Variants in FXYD7 observed in about 807,000 individuals in gnomAD.
The protein encoded by FXYD7 is FXYD domain-containing ion transport regulator 7.
FXYD7 carries 7 observed loss-of-function variants against 15.3 expected under a neutral mutation model. That is an observed-to-expected ratio of 0.46 (90% CI 0.26 to 0.86). FXYD7 has a LOEUF of 0.86. Among genes scored for constraint, FXYD7 ranks in the 40% least tolerant of loss-of-function variants. The pLI, the probability that FXYD7 is intolerant of heterozygous loss-of-function variation, is 0.16. For missense variants in FXYD7, 78 were observed against 100.6 expected (o/e 0.78, Z 0.96); for synonymous variants, 39 against 39.3 (o/e 0.99, Z 0.03).
chr19:35,146,647 C>T (rs2065289842), intron 1 of FXYD7, among the ~76,000 whole-genome samples: 1 of 152,116 alleles, frequency 6.6e-6, no homozygotes, highest in East Asian at 1.9e-4. Context: ...TCAGGGCTAC[C>T]CACTGCTGGT....
At chr19:35,148,076 AAAGAAAG>A (rs1392937674) in intron 1 of FXYD7, among the ~76,000 whole-genome samples, 1 of 148,176 alleles carries the variant, frequency 6.7e-6, no homozygotes, top group Non-Finnish European at 1.5e-5. Flanking sequence ...AGAAAGAAAG[AAAGAAAG>A]AAAGAAAGAA....
At chr19:35,148,652 G>GTTTTTTTT in intron 1 of FXYD7, 42 bp from the exon 2 acceptor site, 1 of 1,356,804 alleles carries the variant, frequency 7.4e-7, no homozygotes, top group Admixed American at 2.4e-5. Flanking sequence ...ACACTGTTAA[G>GTTTTTTTT]TTTTTTTTTT....
chr19:35,150,645 G>A, intron 2 of FXYD7, among the ~76,000 whole-genome samples: 1 of 152,148 alleles, frequency 6.6e-6, no homozygotes, highest in East Asian at 1.9e-4. Context: ...CTTGGGATAG[G>A]ATCATGCTGG....
Position 35,143,985 on chromosome 19 carries a change from T to C in FXYD7, c.31+621T>C, listed in dbSNP as rs534366475. Among the ~76,000 whole-genome samples the C allele has an allele frequency of 1.3e-5, 2 of 150,270 alleles. No individual in the cohort carries two copies. The highest frequency in any genetic ancestry group is 4.9e-5 in the African/African-American group (2 of 40,762). On this transcript the variant is annotated intron_variant, in intron 1 of 5. Transcript: ENST00000270310. The surrounding 1 kb of genome is among the most constrained non-coding windows in gnomAD (Gnocchi z 4.3). ...AGATACAAAGACCCAGGAAGACAAA[T>C]AGATGGACTCAGAGAGATTCCCAGT...
intron 5 of FXYD7, 29 bp from the exon 6 acceptor site, chr19:35,153,865 A>C (rs754323959): frequency 5.0e-6 from 8 of 1,611,502 alleles, no homozygotes; most frequent in Non-Finnish European, 5.9e-6. Flanking sequence ...CCACCTTTCT[A>C]GTGGCTCACG....
In FXYD7 at chr19:35,150,312, T is replaced by A. The variant is rs866711976; in HGVS notation, c.62-942T>A. Among the ~76,000 whole-genome samples, 25 of 152,092 alleles carry A rather than the reference T, an allele frequency of 1.6e-4. No homozygotes were observed. The Middle Eastern group carries it at 0.01, about 62-fold the overall frequency. ...CTTGGGAGGCTGAGCAGGGACAATC[T>A]CTTGGAGCCCAAGAGGTAGAGGCTG... On this transcript the variant is annotated intron_variant, in intron 2 of 5. Transcript: ENST00000270310.
At chr19:35,150,189 T>C (rs2065304601) in intron 2 of FXYD7, among the ~76,000 whole-genome samples, 1 of 152,168 alleles carries the variant, frequency 6.6e-6, no homozygotes, top group Admixed American at 6.5e-5. Flanking sequence ...AGTGCTGAGA[T>C]TACAGGCTCA....
chr19:35,149,973 G>A (rs974750733), intron 2 of FXYD7, among the ~76,000 whole-genome samples: 3 of 152,070 alleles, frequency 2.0e-5, no homozygotes, highest in Non-Finnish European at 4.4e-5. Context: ...CTGGAGTGCA[G>A]TAGCACAATC....
In FXYD7 at chr19:35,151,437, C is replaced by T; in HGVS notation, c.137-3C>T. On this transcript the variant is annotated splice_polypyrimidine_tract_variant and splice_region_variant and intron_variant, in intron 3 of 5. Coordinates refer to ENST00000270310, the MANE Select transcript of FXYD7 (RefSeq NM_022006.2). ...TTCTTGTTCTGTCTCTCTCTCCCAA[C>T]AGGCAAGAAGGTGAAGTGCAGGAAG... 1 of 1,614,056 alleles carries T rather than the reference C, an allele frequency of 6.2e-7. No homozygotes were observed. Among genetic ancestry groups the T allele is most frequent in the Non-Finnish European group, 8.5e-7 (1 of 1,179,914 alleles).
At chr19:35,153,033 C>CTT (rs954084904) in intron 5 of FXYD7, among the ~76,000 whole-genome samples, 1,922 of 44,114 alleles carry the variant, frequency 0.044, 549 homozygotes, top group Non-Finnish European at 0.057. Context: ...TTTCACGTTC[C>CTT]TTTTTTTTTT....
Position 35,154,115 on chromosome 19 carries a change from G to T in FXYD7, c.*199G>T. ...TGACGATCCCCCAAAGAGCCCGTCTGCACCCCAGACCCAGGGCCTCAGGCC... is the reference window on the plus strand; with the variant it reads ...TGACGATCCCCCAAAGAGCCCGTCTTCACCCCAGACCCAGGGCCTCAGGCC... On this transcript the variant is annotated 3_prime_UTR_variant, in exon 6 of 6. Transcript: ENST00000270310. 1 of 566,660 alleles carries T rather than the reference G, an allele frequency of 1.8e-6. No homozygotes were observed. Among genetic ancestry groups the T allele is most frequent in the East Asian group, 3.2e-5 (1 of 31,316 alleles). The allele number at this position is 566,660 out of a possible 1,614,324, so 35.1% of individuals were successfully genotyped here.
At chr19:35,148,113 G>A (rs1568405944) in intron 1 of FXYD7, among the ~76,000 whole-genome samples, 1 of 149,698 alleles carries the variant, frequency 6.7e-6, no homozygotes, top group African/African-American at 2.5e-5. Flanking sequence ...GAAAGAAAGA[G>A]GGGAGGGAGG....
At chr19:35,145,958 C>G (rs1239123504) in intron 1 of FXYD7, among the ~76,000 whole-genome samples, 2 of 150,880 alleles carry the variant, frequency 1.3e-5, no homozygotes, top group Non-Finnish European at 3.0e-5. Flanking sequence ...TTGTATTTTT[C>G]ATAGAGACTG....
At position 35,154,006 on chromosome 19, in the gene FXYD7, G is replaced by A; in HGVS notation, c.*90G>A. The A allele has an allele frequency of 3.1e-6, 4 of 1,306,560 alleles. No individual in the cohort carries two copies. In the South Asian group the frequency reaches 3.6e-5, roughly 12 times the overall value. 80.9% of individuals were successfully genotyped at this position (1,306,560 alleles called of 1,614,324 possible). On this transcript the variant is annotated 3_prime_UTR_variant, in exon 6 of 6. Coordinates refer to ENST00000270310, the MANE Select transcript of FXYD7 (RefSeq NM_022006.2). Reference sequence around the variant, plus strand: ...GGCGGTGGGGACCCAGCCGCGCGCCGGGAGCGCTCCCCGGAATGAGCCGCC... The same window carrying A: ...GGCGGTGGGGACCCAGCCGCGCGCCAGGAGCGCTCCCCGGAATGAGCCGCC...
At chr19:35,153,154 G>T (rs1269864670) in intron 5 of FXYD7, among the ~76,000 whole-genome samples, 1 of 149,044 alleles carries the variant, frequency 6.7e-6, no homozygotes, top group Non-Finnish European at 1.5e-5. Flanking sequence ...CTGCGTCCTG[G>T]GTTCAAGCGA....
intron 5 of FXYD7, among the ~76,000 whole-genome samples, chr19:35,153,531 C>T (rs893689672): frequency 3.9e-5 from 6 of 152,064 alleles, no homozygotes; most frequent in African/African-American, 9.7e-5. Flanking sequence ...GGGGACTTCC[C>T]GTTGTATCCA....
Position 35,146,594 on chromosome 19 carries a change from C to T in FXYD7, c.32-2100C>T, listed in dbSNP as rs746010994. On this transcript the variant is annotated intron_variant, in intron 1 of 5. Transcript: ENST00000270310. Reference sequence around the variant, plus strand: ...TTGCTATGAAGATTAAGAGTAAATGCGCTGATATCTGTCAGATGCTTAGCA... The same window carrying T: ...TTGCTATGAAGATTAAGAGTAAATGTGCTGATATCTGTCAGATGCTTAGCA... 1.1e-4 allele frequency among the ~76,000 whole-genome samples: 17 copies of T among 152,274 alleles called. No individual in the cohort carries two copies. The East Asian group carries it at 1.2e-3, about 10-fold the overall frequency.
At chr19:35,146,200 C>T (rs752385022) in intron 1 of FXYD7, among the ~76,000 whole-genome samples, 1 of 151,962 alleles carries the variant, frequency 6.6e-6, no homozygotes, top group South Asian at 2.1e-4. Flanking sequence ...TGCAGTGGCA[C>T]GATCTTGGCT....
At chr19:35,145,598 C>T (rs2065286507) in intron 1 of FXYD7, among the ~76,000 whole-genome samples, 1 of 152,194 alleles carries the variant, frequency 6.6e-6, no homozygotes, top group African/African-American at 2.4e-5. Context: ...TCAGGATGAA[C>T]AGCAGTGATG....
Sources: allele counts gnomAD v4.1 joint callset (sites outside exome capture counted in the v4.1 genomes callset), GRCh38; gene constraint gnomAD v4.1.1; non-coding constraint Gnocchi (gnomAD v3.1); transcripts MANE v1.5; gene names NCBI Gene and HGNC (gene_info 2026-07-23, HGNC 2026-07-21).